Variants in NEXMIF observed in about 807,000 individuals in gnomAD.
The protein encoded by NEXMIF is XLMR protein related to neurite extension.
NEXMIF carries 8 observed loss-of-function variants against 62.1 expected under a neutral mutation model. The ratio of observed to expected loss-of-function variants is 0.13; its 90% CI spans 0.08 to 0.23. NEXMIF has a LOEUF of 0.23. NEXMIF is among the 10% of genes least tolerant of loss of function. The pLI is 1.00. For missense variants in NEXMIF, 976 were observed against 1,113.3 expected (o/e 0.88, Z 1.75); for synonymous variants, 404 against 416.6 (o/e 0.97, Z 0.37).
At chrX:74,918,616 C>A (rs1264623477) in intron 1 of NEXMIF, among the ~76,000 whole-genome samples, 1 of 111,912 alleles carries the variant, frequency 8.9e-6, no homozygotes, top group Non-Finnish European at 1.9e-5. Context: ...TTTCGGGTCA[C>A]CCCCTGCCAC....
At chrX:74,760,845 T>G (rs780214593) in intron 1 of NEXMIF, among the ~76,000 whole-genome samples, 1,443 of 7,773 alleles carry the variant, frequency 0.19, 14 homozygotes, top group Non-Finnish European at 0.46. Context: ...CCCTAAGATT[T>G]ATTTATTTAT....
chrX:74,794,064 G>A (rs1260812993), intron 1 of NEXMIF, among the ~76,000 whole-genome samples: 10 of 93,934 alleles, frequency 1.1e-4, no homozygotes, highest in Non-Finnish European at 2.1e-4. Context: ...GCATTTTAGA[G>A]TTTCCAGTTT....
At chrX:74,875,530 C>T (rs1028905665) in intron 1 of NEXMIF, among the ~76,000 whole-genome samples, 1 of 111,611 alleles carries the variant, frequency 9.0e-6, no homozygotes, top group Non-Finnish European at 1.9e-5. Context: ...GGGAGGAGTC[C>T]CTCTTTTTCT....
At chrX:74,905,324 A>G (rs964404646) in intron 1 of NEXMIF, among the ~76,000 whole-genome samples, 1 of 111,496 alleles carries the variant, frequency 9.0e-6, no homozygotes, top group African/African-American at 3.3e-5. Context: ...TTTCATGCAA[A>G]AGTATAAAAC....
chrX:74,753,715 G>GCA (rs199783383), intron 1 of NEXMIF, among the ~76,000 whole-genome samples: 21,487 of 99,979 alleles, frequency 0.21, 2,912 homozygotes, highest in East Asian at 0.93. Context: ...ACACACACAC[G>GCA]CACACACACA....
At chrX:74,885,635 T>G (rs931294021) in intron 1 of NEXMIF, among the ~76,000 whole-genome samples, 2 of 111,667 alleles carry the variant, frequency 1.8e-5, no homozygotes, top group African/African-American at 6.5e-5. Flanking sequence ...TAACAGGATC[T>G]GAAATTGTGG....
chrX:74,875,105 C>A (rs913948501), intron 1 of NEXMIF, among the ~76,000 whole-genome samples: 8 of 111,379 alleles, frequency 7.2e-5, no homozygotes, highest in South Asian at 3.8e-4. Flanking sequence ...GTTTTTGTCC[C>A]TTCAGTATGA....
intron 1 of NEXMIF, among the ~76,000 whole-genome samples, chrX:74,890,485 T>TA (rs1380806180): frequency 2.0e-3 from 219 of 110,486 alleles, no homozygotes; most frequent in African/African-American, 7.0e-3. Context: ...TAGACAAAAA[T>TA]AAAAAAACTT....
Position 74,743,262 on chromosome X carries a change from G to A in NEXMIF, c.1295C>T (p.Ser432Phe), listed in dbSNP as rs2080113691. The A allele has an allele frequency of 8.3e-7, 1 of 1,209,583 alleles. No individual in the cohort carries two copies. Among genetic ancestry groups the A allele is most frequent in the Non-Finnish European group, 1.1e-6 (1 of 895,112 alleles). Reference protein sequence around the residue: ...KNPKQGHLANSLETSGSFSDD... With the variant: ...KNPKQGHLANFLETSGSFSDD... ...ACTGAAACTCCCTGATGTCTCCAGG[G>A]AATTAGCAAGATGGCCCTGCTTTGG... Residue 432 changes from serine (S) to phenylalanine (F), a missense_variant, in exon 3 of 4, where the codon TCC (serine) becomes TTC (phenylalanine). Ser to Phe is a radical substitution (Grantham distance 155). Transcript: ENST00000055682.
chrX:74,768,568 G>T (rs1308010880), intron 1 of NEXMIF, among the ~76,000 whole-genome samples: 1 of 112,423 alleles, frequency 8.9e-6, no homozygotes, highest in East Asian at 2.8e-4. Flanking sequence ...GAGGAAGACT[G>T]TAGCTCAACA....
At chrX:74,869,293 CA>C (rs2080591719) in intron 1 of NEXMIF, among the ~76,000 whole-genome samples, 1 of 111,097 alleles carries the variant, frequency 9.0e-6, no homozygotes, top group African/African-American at 3.3e-5. Context: ...TAAAAACCCT[CA>C]AAAAACTGGG....
Position 74,827,356 on chromosome X carries a change from T to C in NEXMIF, c.-47-81659A>G, listed in dbSNP as rs2080421923. 3.6e-5 allele frequency among the ~76,000 whole-genome samples: 4 copies of C among 111,791 alleles called. No individual in the cohort carries two copies. In the Admixed American group the frequency reaches 3.8e-4, roughly 11 times the overall value. On this transcript the variant is annotated intron_variant, in intron 1 of 3. Transcript: ENST00000055682. ...CCTGATTTCCACCTCACTACCACCT[T>C]CTAATTCCCACAGCTAAAGTCAAGC...
intron 1 of NEXMIF, among the ~76,000 whole-genome samples, chrX:74,765,995 C>T (rs752228174): frequency 9.6e-6 from 1 of 104,199 alleles, no homozygotes; most frequent in East Asian, 3.0e-4. Context: ...GAGCCGAGAT[C>T]GCACTACTGC....
rs2147439813 is a variant in NEXMIF, at chrX:74,741,595, C to G, written c.2962G>C (p.Gly988Arg). 1 of 1,211,649 alleles carries G rather than the reference C, an allele frequency of 8.3e-7. No homozygotes were observed. The highest frequency in any genetic ancestry group is 1.8e-5 in the South Asian group (1 of 56,966). ...ATTGAATCAAAGCTAAAGAGCCGAC[C>G]ATCATCCATATTGACTGGCCCCTGC... is the stretch of plus-strand genomic sequence containing the variant. ...FQQGPVNMDD[G>R]RLFSFDSMAP... Residue 988 changes from glycine (G) to arginine (R), a missense_variant, in exon 3 of 4, where the codon GGT (glycine) becomes CGT (arginine). Physicochemically the swap from Gly to Arg is moderately radical, Grantham distance 125 (BLOSUM62 -2). Around this residue, in one of 5 missense-constraint regions of NEXMIF, gnomAD observed 639 missense variants for 694.5 expected, o/e 0.92. Transcript: ENST00000055682.
chrX:74,808,058 G>C (rs1403613332), intron 1 of NEXMIF, among the ~76,000 whole-genome samples: 1 of 111,263 alleles, frequency 9.0e-6, no homozygotes, highest in African/African-American at 3.3e-5. Flanking sequence ...TAATATGATG[G>C]ATTACATTAA....
At chrX:74,888,811 C>T (rs918228036) in intron 1 of NEXMIF, among the ~76,000 whole-genome samples, 4 of 111,917 alleles carry the variant, frequency 3.6e-5, no homozygotes, top group Admixed American at 2.9e-4. Context: ...CTCACCTAGA[C>T]GAATAGTTCA....
intron 1 of NEXMIF, among the ~76,000 whole-genome samples, chrX:74,921,795 T>C (rs2080827995): frequency 9.0e-6 from 1 of 111,454 alleles, no homozygotes; most frequent in African/African-American, 3.3e-5. Context: ...AATGACCTAC[T>C]CCTTAGTCAA....
At position 74,735,323 on chromosome X, in the gene NEXMIF, GA is replaced by G. The variant is rs1470156865; in HGVS notation, c.*4081del. ...TCTCTTCAATTCTTGGAACTGTTCT[GA>G]GAGCATCTGTAAGCTGAAGACATGT... On this transcript the variant is annotated 3_prime_UTR_variant, in exon 4 of 4. Transcript: ENST00000055682. 8.9e-6 allele frequency: 1 copy of G among 111,782 alleles called. No homozygotes were observed. Among genetic ancestry groups the G allele is most frequent in the Non-Finnish European group, 1.9e-5 (1 of 53,178 alleles). 9.2% of individuals were successfully genotyped at this position (111,782 alleles called of 1,213,427 possible). A position where few individuals can be genotyped will look rare whatever the true frequency, so the allele number is the denominator to read the frequency against.
rs1356698499 is a variant in NEXMIF, at chrX:74,740,678, C to G, written c.3879G>C (p.Trp1293Cys). 1 of 1,211,684 alleles carries G rather than the reference C, an allele frequency of 8.3e-7. No homozygotes were observed. The highest frequency in any genetic ancestry group is 1.1e-6 in the Non-Finnish European group (1 of 895,365). The part of the protein sequence containing the change: ...WALGKESSPG[W>C]SDMSMGTNTN... ...TGTTGGTGCCCATGCTCATATCACT[C>G]CAGCCTGGGCTGCTCTCCTTCCCCA... Residue 1293 changes from tryptophan to cysteine, a missense_variant, in exon 3 of 4, where the codon TGG (tryptophan) becomes TGC (cysteine). By Grantham distance (215) the Trp-to-Cys change is radical. Transcript: ENST00000055682.
Sources: allele counts gnomAD v4.1 joint callset (sites outside exome capture counted in the v4.1 genomes callset), GRCh38; gene constraint gnomAD v4.1.1; regional missense constraint gnomAD v4.1.1; transcripts MANE v1.5; gene names NCBI Gene and HGNC (gene_info 2026-07-23, HGNC 2026-07-21).